The following PARD3 variants were observed in gnomAD, a reference collection of about 807,000 sequenced individuals.
PARD3 encodes the protein partitioning defective 3 homolog.
A neutral mutation model predicts 155.4 loss-of-function variants in PARD3; 75 were observed. That is an observed-to-expected ratio of 0.48 (90% confidence interval 0.40 to 0.58). The LOEUF (loss-of-function observed/expected upper bound fraction) is 0.58, where lower values mean the gene tolerates loss of function less well. Among genes scored for constraint, PARD3 ranks in the 20% least tolerant of loss-of-function variants. The probability of loss-of-function intolerance (pLI) is 0.00; values close to 1 mark genes in which losing one functional copy is unlikely to be tolerated. For synonymous variants in PARD3, 576 were observed against 610.5 expected, an observed-to-expected ratio of 0.94 and a Z score of 0.83; for missense variants, 1,642 against 1,721.7, an observed-to-expected ratio of 0.95 and a Z score of 0.82.
intron 2 of PARD3, among the ~76,000 whole-genome samples, chr10:34,591,397 C>T (rs1168996303): frequency 6.6e-6 from 1 of 152,098 alleles, no homozygotes; most frequent in Non-Finnish European, 1.5e-5. Flanking sequence ...GGTGTCTTTA[C>T]CCATTCATTC....
chr10:34,498,393 CT>C (rs1283387098), intron 3 of PARD3, among the ~76,000 whole-genome samples: 11 of 152,204 alleles, frequency 7.2e-5, no homozygotes, highest in Non-Finnish European at 8.8e-5. Context: ...ATATTAGTCA[CT>C]GTCCCATGAG....
At chr10:34,569,415 CTA>C (rs934193530) in intron 2 of PARD3, among the ~76,000 whole-genome samples, 1 of 151,702 alleles carries the variant, frequency 6.6e-6, no homozygotes, top group African/African-American at 2.4e-5. Flanking sequence ...TTACACGTGA[CTA>C]TATATATATA....
In PARD3 at chr10:34,435,782, C is replaced by T. The variant is rs372165032; in HGVS notation, c.714+14535G>A. Among the ~76,000 whole-genome samples, 13 of 152,254 alleles carry T rather than the reference C, an allele frequency of 8.5e-5. No homozygotes were observed. The East Asian group carries it at 2.3e-3, about 27-fold the overall frequency. ...CACAGAAGTAAATTACAAAGCACCC[C>T]GCTTTGGGATATACTAAGGGAAGAA... On this transcript the variant is annotated intron_variant, in intron 5 of 24. Transcript: ENST00000374788.
At chr10:34,586,380 G>A (rs993720874) in intron 2 of PARD3, among the ~76,000 whole-genome samples, 3 of 152,102 alleles carry the variant, frequency 2.0e-5, no homozygotes, top group African/African-American at 7.2e-5. Flanking sequence ...ACATTTCTGT[G>A]ACTTCCATAA....
intron 2 of PARD3, among the ~76,000 whole-genome samples, chr10:34,670,074 T>A (rs370569815): frequency 3.3e-5 from 5 of 152,320 alleles, no homozygotes; most frequent in African/African-American, 1.2e-4. Flanking sequence ...TAAAGACTTG[T>A]ATATTGACTT....
rs376655026 is a variant in PARD3, at chr10:34,591,929, C to A, written c.223-74770G>T. 2.0e-5 allele frequency among the ~76,000 whole-genome samples: 3 copies of A among 152,184 alleles called. No homozygotes were observed. The East Asian group carries it at 5.8e-4, about 29-fold the overall frequency. On this transcript the variant is annotated intron_variant, in intron 2 of 24. Transcript: ENST00000374788. ...TCTATGCAGCTGCAGGCCTAAGGTA[C>A]GATGGATGGTAACAGCAGAAAGCCA... is the stretch of plus-strand genomic sequence containing the variant.
intron 22 of PARD3, among the ~76,000 whole-genome samples, chr10:34,209,917 T>C (rs535072600): frequency 6.6e-6 from 1 of 152,344 alleles, no homozygotes; most frequent in Non-Finnish European, 1.5e-5. Context: ...GTCACCACTT[T>C]AATATTTATA....
intron 22 of PARD3, among the ~76,000 whole-genome samples, chr10:34,245,012 C>T (rs186010348): frequency 6.6e-6 from 1 of 152,294 alleles, no homozygotes; most frequent in Admixed American, 6.5e-5. Flanking sequence ...CAGGAAGTGC[C>T]TTAATGACTT....
At chr10:34,184,715 T>TC (rs1554804502) in intron 22 of PARD3, among the ~76,000 whole-genome samples, 28 of 150,822 alleles carry the variant, frequency 1.9e-4, no homozygotes, top group South Asian at 4.2e-4. Context: ...TTTTTTTTTT[T>TC]CCCTCAAGGA....
chr10:34,377,568 C>T (rs188535715), intron 10 of PARD3, among the ~76,000 whole-genome samples: 9 of 151,886 alleles, frequency 5.9e-5, no homozygotes, highest in African/African-American at 9.7e-5. Flanking sequence ...CCAGCCTGGG[C>T]GACAGAGCGA....
At chr10:34,323,122 G>C (rs1958476203) in intron 19 of PARD3, among the ~76,000 whole-genome samples, 1 of 152,126 alleles carries the variant, frequency 6.6e-6, no homozygotes, top group Non-Finnish European at 1.5e-5. Context: ...TCCTGCATAG[G>C]AATCAAGAAC....
chr10:34,111,026 T>G lies in PARD3; in HGVS notation c.*143A>C. On this transcript the variant is annotated 3_prime_UTR_variant, in exon 25 of 25. Transcript: ENST00000374788. Reference sequence around the variant, plus strand: ...AAGACATTAAGGCCTTCCATTTCTTTGCCTACACCGCTTAAAGGCACTGAT... The same window carrying G: ...AAGACATTAAGGCCTTCCATTTCTTGGCCTACACCGCTTAAAGGCACTGAT... 1.2e-6 allele frequency: 1 copy of G among 844,334 alleles called. No homozygotes were observed. Among genetic ancestry groups the G allele is most frequent in the Non-Finnish European group, 1.8e-6 (1 of 559,788 alleles). 52.3% of individuals were successfully genotyped at this position (844,334 alleles called of 1,614,324 possible).
intron 5 of PARD3, among the ~76,000 whole-genome samples, chr10:34,429,283 T>C (rs1427525769): frequency 6.6e-6 from 1 of 152,144 alleles, no homozygotes; most frequent in Admixed American, 6.5e-5. Flanking sequence ...TATATAGTCA[T>C]GAATGAAGGT....
At chr10:34,432,711 AC>A (rs1266303774) in intron 5 of PARD3, among the ~76,000 whole-genome samples, 3 of 152,148 alleles carry the variant, frequency 2.0e-5, no homozygotes, top group Non-Finnish European at 4.4e-5. Context: ...AAGATGGTTT[AC>A]CTTCACCCAT....
intron 18 of PARD3, among the ~76,000 whole-genome samples, 172 bp downstream of exon 18, chr10:34,336,027 T>C (rs1163896299): frequency 1.3e-5 from 2 of 152,158 alleles, no homozygotes; most frequent in South Asian, 2.1e-4. Context: ...CTGATAAATT[T>C]CTACTAACAG....
intron 22 of PARD3, among the ~76,000 whole-genome samples, chr10:34,206,256 C>A (rs913948172): frequency 2.6e-5 from 4 of 152,182 alleles, no homozygotes; most frequent in African/African-American, 9.7e-5. Flanking sequence ...AGGGCTCTAG[C>A]GCCCCTAGCT....
chr10:34,188,563 CAT>C (rs1040225346), intron 22 of PARD3, among the ~76,000 whole-genome samples: 5 of 152,088 alleles, frequency 3.3e-5, no homozygotes, highest in African/African-American at 1.2e-4. Context: ...TACACCGACA[CAT>C]GTGCACACAC....
chr10:34,542,501 T>A (rs1780575), intron 2 of PARD3, among the ~76,000 whole-genome samples: 9 of 152,010 alleles, frequency 5.9e-5, no homozygotes, highest in African/African-American at 2.2e-4. Context: ...TTTATGCAGA[T>A]GCTGAGAAAC....
At chr10:34,497,000 T>G (rs991689782) in intron 3 of PARD3, among the ~76,000 whole-genome samples, 2 of 152,184 alleles carry the variant, frequency 1.3e-5, no homozygotes, top group Non-Finnish European at 2.9e-5. Flanking sequence ...CGTAGGAGTA[T>G]AGATGCAGCA....
Sources: gnomAD v4.1 joint callset for allele counts (sites outside exome capture counted in the v4.1 genomes callset) on GRCh38, gnomAD v4.1.1 for gene constraint, MANE v1.5 for transcripts, NCBI Gene and HGNC (gene_info 2026-07-23, HGNC 2026-07-21) for gene names.